SCLT1: variants seen among roughly 807,000 people sequenced by gnomAD.
The protein encoded by SCLT1 is sodium channel and clathrin linker 1.
A neutral mutation model predicts 112.8 loss-of-function variants in SCLT1; 78 were observed. That is an observed-to-expected ratio of 0.69 (90% confidence interval 0.58 to 0.83). SCLT1 has a LOEUF of 0.83. Among genes scored for constraint, SCLT1 ranks in the 40% least tolerant of loss-of-function variants. SCLT1 has a pLI of 0.00. For missense variants in SCLT1, 747 were observed against 770.4 expected, an observed-to-expected ratio of 0.97 and a Z score of 0.36; for synonymous variants, 257 against 254.7, an observed-to-expected ratio of 1.01 and a Z score of -0.09.
chr4:128,905,716 T>C (rs1280754015), intron 18 of SCLT1, among the ~76,000 whole-genome samples: 1 of 152,186 alleles, frequency 6.6e-6, no homozygotes, highest in Non-Finnish European at 1.5e-5. Context: ...TTACACTTGC[T>C]ATTCTTCCAT....
chr4:129,016,087 TAG>T (rs1454154191), intron 5 of SCLT1, among the ~76,000 whole-genome samples: 3 of 152,226 alleles, frequency 2.0e-5, no homozygotes, highest in African/African-American at 4.8e-5. Flanking sequence ...TGTTTTTTTT[TAG>T]AGTTTCTAGT....
intron 6 of SCLT1, among the ~76,000 whole-genome samples, chr4:129,000,050 A>C (rs1030014816): frequency 6.6e-6 from 1 of 151,902 alleles, no homozygotes; most frequent in African/African-American, 2.4e-5. Context: ...AAAATCCTTA[A>C]CAGAGATGTA....
intron 9 of SCLT1, among the ~76,000 whole-genome samples, chr4:128,987,224 G>GGAAGAATACAAACAAGC (rs1742177716): frequency 6.6e-6 from 1 of 152,110 alleles, no homozygotes; most frequent in Non-Finnish European, 1.5e-5. Flanking sequence ...CACTCTAGAA[G>GGAAGAATACAAACAAGC]GAAGAATACA....
At chr4:129,088,205 G>A (rs1238896035) in intron 1 of SCLT1, among the ~76,000 whole-genome samples, 1 of 152,094 alleles carries the variant, frequency 6.6e-6, no homozygotes, top group Non-Finnish European at 1.5e-5. Context: ...TCCCAGAAAG[G>A]CAAGGTGGTT....
At chr4:128,930,120 C>T (rs1188856897) in intron 18 of SCLT1, among the ~76,000 whole-genome samples, 1 of 152,066 alleles carries the variant, frequency 6.6e-6, no homozygotes, top group Non-Finnish European at 1.5e-5. Flanking sequence ...CAACTCACTT[C>T]TAATGAATAG....
chr4:129,039,900 GCACA>G (rs36041794), intron 4 of SCLT1: 99,321 of 216,726 alleles, frequency 0.46, 17,379 homozygotes, highest in Admixed American at 0.5. Flanking sequence ...GTGCGCGCGC[GCACA>G]CACACACACA....
chr4:129,017,185 GT>G (rs942339114), intron 5 of SCLT1, among the ~76,000 whole-genome samples: 1 of 151,314 alleles, frequency 6.6e-6, no homozygotes, highest in African/African-American at 2.4e-5. Flanking sequence ...AAATTTATGT[GT>G]TTTTTTGTGG....
At chr4:129,084,226 C>T (rs149692740) in intron 1 of SCLT1, among the ~76,000 whole-genome samples, 220 of 152,100 alleles carry the variant, frequency 1.4e-3, no homozygotes, top group African/African-American at 5.1e-3. Flanking sequence ...GACACAAAGG[C>T]TGGAAAAGAT....
intron 5 of SCLT1, among the ~76,000 whole-genome samples, chr4:129,017,309 T>C (rs988807699): frequency 2.6e-5 from 4 of 152,168 alleles, no homozygotes; most frequent in Admixed American, 6.5e-5. Flanking sequence ...GGTTAATATA[T>C]GAGTGTGTAT....
Position 128,948,351 on chromosome 4 carries a change from A to G in SCLT1, c.1293+145T>C, listed in dbSNP as rs1029956035. 6 of 1,018,732 alleles carry G rather than the reference A, an allele frequency of 5.9e-6. No individual in the cohort carries two copies. In the South Asian group the frequency reaches 1.0e-4, roughly 18 times the overall value. The allele number at this position is 1,018,732 out of a possible 1,614,324, so 63.1% of individuals were successfully genotyped here. ...ACTCCATTGCAAAAAAAAAAAAAAA[A>G]AAAAAAAAGAAAAGAAAAGAAAAAC... On this transcript the variant is annotated intron_variant, in intron 15 of 20. Coordinates refer to ENST00000281142, the MANE Select transcript of SCLT1 (RefSeq NM_144643.4).
chr4:129,032,423 G>A (rs1203207005), intron 5 of SCLT1, among the ~76,000 whole-genome samples: 1 of 152,050 alleles, frequency 6.6e-6, no homozygotes, highest in Non-Finnish European at 1.5e-5. Context: ...CAGGACAAAG[G>A]CATGGGCAAA....
chr4:128,973,861 C>A (rs1033295601), intron 9 of SCLT1, among the ~76,000 whole-genome samples: 3 of 151,996 alleles, frequency 2.0e-5, no homozygotes, highest in Non-Finnish European at 4.4e-5. Context: ...TTTATTCCCA[C>A]ACTGTTCCAT....
intron 18 of SCLT1, among the ~76,000 whole-genome samples, chr4:128,934,542 T>C (rs1161735435): frequency 2.0e-5 from 3 of 151,880 alleles, no homozygotes; most frequent in Non-Finnish European, 4.4e-5. Flanking sequence ...CTTAATATTA[T>C]ATATAGTTTT....
At chr4:128,999,206 A>C (rs1264268659) in intron 7 of SCLT1, among the ~76,000 whole-genome samples, 1 of 151,998 alleles carries the variant, frequency 6.6e-6, no homozygotes, top group Admixed American at 6.6e-5. Flanking sequence ...TGATTAATTT[A>C]TGATAGACAA....
At chr4:128,921,987 G>A (rs1373281666) in intron 18 of SCLT1, among the ~76,000 whole-genome samples, 2 of 151,998 alleles carry the variant, frequency 1.3e-5, no homozygotes, top group Non-Finnish European at 2.9e-5. Context: ...GTGGGCAAAG[G>A]ACAAGAACAG....
chr4:128,995,939 C>T (rs929680988), intron 8 of SCLT1, among the ~76,000 whole-genome samples: 2 of 152,040 alleles, frequency 1.3e-5, no homozygotes, highest in African/African-American at 4.8e-5. Context: ...TCAGTCCAAA[C>T]CAATGCCTCC....
At chr4:129,069,985 T>C (rs1414303733) in intron 2 of SCLT1, among the ~76,000 whole-genome samples, 4 of 152,174 alleles carry the variant, frequency 2.6e-5, no homozygotes, top group Non-Finnish European at 2.9e-5. Context: ...CTTTGTTGAA[T>C]GCTTTTTCTG....
At chr4:129,085,411 G>C (rs1752305458) in intron 1 of SCLT1, among the ~76,000 whole-genome samples, 2 of 152,156 alleles carry the variant, frequency 1.3e-5, no homozygotes, top group Admixed American at 6.5e-5. Context: ...TATACATTTT[G>C]GTGGGAATGT....
At chr4:129,037,271 C>T (rs1192615213) in intron 5 of SCLT1, 1 of 152,136 alleles carries the variant, frequency 6.6e-6, no homozygotes, top group Non-Finnish European at 1.5e-5. Context: ...TTATTTATTT[C>T]TGTTCCCTTC....
Sources: allele counts gnomAD v4.1 joint callset (sites outside exome capture counted in the v4.1 genomes callset), GRCh38; gene constraint gnomAD v4.1.1; transcripts MANE v1.5; gene names NCBI Gene and HGNC (gene_info 2026-07-23, HGNC 2026-07-21).